DEAF1: variants seen among roughly 807,000 people sequenced by gnomAD.
DEAF1 encodes the protein DEAF1 transcription factor, also known as deformed epidermal autoregulatory factor 1 homolog.
A neutral mutation model predicts 58.9 loss-of-function variants in DEAF1; 53 were observed. The ratio of observed to expected loss-of-function variants is 0.90; its 90% CI spans 0.72 to 1.13. DEAF1 has a LOEUF of 1.13. Ranked by LOEUF, DEAF1 falls within the 50% of genes most tolerant of loss-of-function variation. DEAF1 has a pLI of 0.00. For missense variants in DEAF1, 685 were observed against 791.4 expected, an observed-to-expected ratio of 0.87 and a Z score of 1.61; for synonymous variants, 385 against 340.4, an observed-to-expected ratio of 1.13 and a Z score of -1.44.
rs1364259204 is a variant in DEAF1 at position 677,616 on chromosome 11, G to A, written c.1255+1078C>T. 1.9e-5 allele frequency among the ~76,000 whole-genome samples: 2 copies of A among 106,524 alleles called. 1 individual carries two copies. Among genetic ancestry groups the A allele is most frequent in the Non-Finnish European group, 4.4e-5 (2 of 45,694 alleles). The allele number at this position is 106,524 out of a possible 152,430, so 69.9% of individuals were successfully genotyped here. On this transcript the variant is annotated intron_variant, in intron 9 of 11. Coordinates refer to ENST00000382409, the MANE Select transcript of DEAF1 (RefSeq NM_021008.4). ...AAAACATGCATTTGCCACCAGCAGG[G>A]GAGGGTTCAATCAATCATGTATTGA...
intron 10 of DEAF1, among the ~76,000 whole-genome samples, chr11:659,845 A>G (rs556170176): frequency 6.6e-6 from 1 of 152,344 alleles, no homozygotes. Context: ...AGCCAGCGGT[A>G]GATGGGGCTT....
rs1174309695 is a variant in DEAF1 at position 644,335 on chromosome 11, A to G, written c.*215T>C. The G allele has an allele frequency of 1.5e-5, 9 of 615,460 alleles. No homozygotes were observed. Among genetic ancestry groups the G allele is most frequent in the Admixed American group, 2.6e-5 (1 of 39,162 alleles). The allele number at this position is 615,460 out of a possible 1,614,324, so 38.1% of individuals were successfully genotyped here. A position where few individuals can be genotyped will look rare whatever the true frequency, so the allele number is the denominator to read the frequency against. On this transcript the variant is annotated 3_prime_UTR_variant, in exon 12 of 12. Transcript: ENST00000382409. This position sits in a 1 kb window ranked among gnomAD's most constrained non-coding sequence, Gnocchi z 4.3. ...ACGCTCATGATCCCAGGGATAAAAA[A>G]TCTGTCCGCGAGCGGGCAGGGGGCC... is the stretch of plus-strand genomic sequence containing the variant.
chr11:699,041 A>G (rs1861327530), upstream of DEAF1: 1 of 896,464 alleles, frequency 1.1e-6, no homozygotes, highest in Admixed American at 1.9e-5. Context: ...TAGAGAGTTG[A>G]TGTAACTTCC....
intron 4 of DEAF1, 84 bp downstream of exon 4, chr11:687,827 T>G: frequency 6.3e-7 from 1 of 1,584,030 alleles, no homozygotes; most frequent in Non-Finnish European, 8.7e-7. Flanking sequence ...GGTGCCATGA[T>G]TTTCATCTTT....
chr11:691,782 G>A (rs933079794), intron 1 of DEAF1, among the ~76,000 whole-genome samples, 184 bp from the exon 2 acceptor site: 4 of 152,026 alleles, frequency 2.6e-5, no homozygotes, highest in Admixed American at 6.6e-5. Flanking sequence ...TAAGTCATTC[G>A]GCTCTTCCAG....
intron 11 of DEAF1, among the ~76,000 whole-genome samples, chr11:646,007 T>C (rs935749192): frequency 9.9e-5 from 15 of 152,070 alleles, no homozygotes; most frequent in Non-Finnish European, 1.9e-4. Context: ...AATCCCATCA[T>C]GTTGGGAGGC....
At chr11:683,138 A>C (rs938920566) in intron 6 of DEAF1, among the ~76,000 whole-genome samples, 4 of 151,916 alleles carry the variant, frequency 2.6e-5, no homozygotes, top group Non-Finnish European at 5.9e-5. Flanking sequence ...CACAATTTTC[A>C]CTAGTTATTT....
At position 688,352 on chromosome 11, in the gene DEAF1, G is replaced by C; in HGVS notation, c.496C>G (p.Pro166Ala). 1.9e-6 allele frequency: 3 copies of C among 1,613,784 alleles called. No homozygotes were observed. The highest frequency in any genetic ancestry group is 2.5e-6 in the Non-Finnish European group (3 of 1,180,004). ...GTACCTGGGGTGAGGGGAGCTGCCG[G>C]GCCTTTCAGCCCGGTGGTCTCCACG... ...SIVETTGLKG[P>A]AAPLTPGPQS... The change falls in exon 3 of 12, where the codon CCG (proline) becomes GCG (alanine). Residue 166 changes from proline to alanine, a missense_variant. Coordinates refer to ENST00000382409, the MANE Select transcript of DEAF1 (RefSeq NM_021008.4). This position sits in a 1 kb window ranked among gnomAD's most constrained non-coding sequence, Gnocchi z 4.3.
At chr11:669,580 G>C (rs1245297456) in intron 10 of DEAF1, among the ~76,000 whole-genome samples, 2 of 151,796 alleles carry the variant, frequency 1.3e-5, no homozygotes, top group Non-Finnish European at 2.9e-5. Flanking sequence ...AGGTTATGGC[G>C]AGCCGAGATT....
Position 656,457 on chromosome 11 carries a change from C to T in DEAF1, c.1504-2406G>A, listed in dbSNP as rs1016812416. 5.3e-5 allele frequency among the ~76,000 whole-genome samples: 8 copies of T among 152,320 alleles called. No homozygotes were observed. The East Asian group carries it at 5.8e-4, about 11-fold the overall frequency. On this transcript the variant is annotated intron_variant, in intron 10 of 11. Transcript: ENST00000382409. ...ACAGGCATGAGCCACCAAGCCCAGC[C>T]GACAAAATATTTCTTAAAAAGTCTG...
chr11:646,123 C>T (rs960700263), intron 11 of DEAF1, among the ~76,000 whole-genome samples: 4 of 151,862 alleles, frequency 2.6e-5, no homozygotes, highest in Non-Finnish European at 5.9e-5. Context: ...TGTGGTCATG[C>T]GCACCTGCAA....
chr11:692,571 A>C (rs1172800495), intron 1 of DEAF1, among the ~76,000 whole-genome samples: 2 of 152,188 alleles, frequency 1.3e-5, no homozygotes, highest in African/African-American at 2.4e-5. Flanking sequence ...GCCTGTTTGC[A>C]GCCGGGCGCG....
rs570445116 is a variant in DEAF1, at chr11:644,752, A to T, written c.1594-98T>A. 37 of 936,044 alleles carry T rather than the reference A, an allele frequency of 4.0e-5. No homozygotes were observed. In the East Asian group the frequency reaches 8.6e-4, roughly 22 times the overall value. The allele number at this position is 936,044 out of a possible 1,614,324, so 58.0% of individuals were successfully genotyped here. ...GACCCCAGAGGGTGCAGCCCTCTGT[A>T]ACCTCACCTGGAGGTGCTGAGAATG... On this transcript the variant is annotated intron_variant, in intron 11 of 11. Transcript: ENST00000382409. The surrounding 1 kb of genome is among the most constrained non-coding windows in gnomAD (Gnocchi z 4.3).
intron 1 of DEAF1, chr11:693,419 G>A (rs540265262): frequency 6.6e-6 from 1 of 152,350 alleles, no homozygotes; most frequent in East Asian, 1.9e-4. Flanking sequence ...GGGCAGCCCA[G>A]ACGCTGCTGG....
intron 10 of DEAF1, among the ~76,000 whole-genome samples, chr11:671,944 C>T (rs1315800467): frequency 6.6e-6 from 1 of 151,956 alleles, no homozygotes; most frequent in Non-Finnish European, 1.5e-5. Flanking sequence ...TTAAGACATG[C>T]CTTTCCTCCC....
Position 688,077 on chromosome 11 carries a change from TG to T in DEAF1, c.518-21del, listed in dbSNP as rs1564950648. 31 of 1,613,574 alleles carry T rather than the reference TG, an allele frequency of 1.9e-5. No homozygotes were observed. Among genetic ancestry groups the T allele is most frequent in the Non-Finnish European group, 2.6e-5 (31 of 1,179,900 alleles). On this transcript the variant is annotated intron_variant, in intron 3 of 11. Coordinates refer to ENST00000382409, the MANE Select transcript of DEAF1 (RefSeq NM_021008.4). The surrounding 1 kb of genome is among the most constrained non-coding windows in gnomAD (Gnocchi z 4.3). Reference sequence around the variant, plus strand: ...GAGGACCTTGGGCAGAGAAAGTGTTTGAAGGTGAGAGGCCGGACACCGGGAA... The same window carrying T: ...GAGGACCTTGGGCAGAGAAAGTGTTTAAGGTGAGAGGCCGGACACCGGGAA...
At chr11:654,869 CA>C (rs200599285) in intron 10 of DEAF1, among the ~76,000 whole-genome samples, 2 of 146,852 alleles carry the variant, frequency 1.4e-5, no homozygotes, top group East Asian at 4.0e-4. Flanking sequence ...ACTCCCATCT[CA>C]AAAAAAAAGG....
chr11:682,122 G>A (rs547040701), intron 6 of DEAF1, among the ~76,000 whole-genome samples: 54 of 152,288 alleles, frequency 3.5e-4, no homozygotes, highest in Non-Finnish European at 7.3e-4. Flanking sequence ...CTGAGGGCTC[G>A]GCCCTGGGTG....
intron 9 of DEAF1, 68 bp downstream of exon 9, chr11:678,626 G>A: frequency 1.2e-6 from 2 of 1,607,018 alleles, no homozygotes; most frequent in South Asian, 1.1e-5. Context: ...ATTTCACTTA[G>A]GAATTCTTTC....
Sources: allele counts gnomAD v4.1 joint callset (sites outside exome capture counted in the v4.1 genomes callset), GRCh38; gene constraint gnomAD v4.1.1; non-coding constraint Gnocchi (gnomAD v3.1); transcripts MANE v1.5; gene names NCBI Gene and HGNC (gene_info 2026-07-23, HGNC 2026-07-21).